Variants in RASGRF2 observed in about 807,000 individuals in gnomAD.
RASGRF2 encodes ras-specific guanine nucleotide-releasing factor 2.
In RASGRF2, 76 loss-of-function variants were observed where a neutral mutation model predicts 151.0. That is an observed-to-expected ratio of 0.50 (90% CI 0.42 to 0.61). The LOEUF (loss-of-function observed/expected upper bound fraction) is 0.61, where lower values mean the gene tolerates loss of function less well. Ranked by LOEUF, RASGRF2 falls within the 20% of genes least tolerant of loss-of-function variation. The pLI, the probability that RASGRF2 is intolerant of heterozygous loss-of-function variation, is 0.00. For synonymous variants in RASGRF2, 504 were observed against 566.5 expected, an observed-to-expected ratio of 0.89 and a Z score of 1.57; for missense variants, 1,148 against 1,564.6, an observed-to-expected ratio of 0.73 and a Z score of 4.49.
rs754199954 is a variant in RASGRF2 at position 81,112,865 on chromosome 5, C to G, written c.2087+7C>G. ...TCACCTCCATCCCTGTCAGGTACACCTATTGCTAGAGGTTAGCCTGTCATT... is the reference window on the plus strand; with the variant it reads ...TCACCTCCATCCCTGTCAGGTACACGTATTGCTAGAGGTTAGCCTGTCATT... On this transcript the variant is annotated splice_region_variant and intron_variant, in intron 14 of 26. Transcript: ENST00000265080. The G allele has an allele frequency of 1.2e-6, 2 of 1,614,004 alleles. No individual in the cohort carries two copies. The highest frequency in any genetic ancestry group is 4.5e-5 in the East Asian group (2 of 44,886).
intron 12 of RASGRF2, among the ~76,000 whole-genome samples, chr5:81,107,196 C>CA (rs35987554): frequency 0.23 from 21,299 of 94,138 alleles, 2,308 homozygotes; most frequent in Middle Eastern, 0.39. Context: ...CCTGTCTCTA[C>CA]AAAAAAAAAA....
chr5:81,195,906 A>G (rs1021418790), intron 18 of RASGRF2, among the ~76,000 whole-genome samples: 1 of 152,164 alleles, frequency 6.6e-6, no homozygotes, highest in Non-Finnish European at 1.5e-5. Context: ...ATGTGACGGG[A>G]GACCATGAGA....
chr5:81,161,626 G>A (rs1395602850), intron 17 of RASGRF2, among the ~76,000 whole-genome samples: 1 of 152,170 alleles, frequency 6.6e-6, no homozygotes, highest in Non-Finnish European at 1.5e-5. Context: ...CAGTCATAGA[G>A]TTTGTATAGT....
At chr5:81,001,511 T>G (rs1406383439) in intron 1 of RASGRF2, among the ~76,000 whole-genome samples, 2 of 152,190 alleles carry the variant, frequency 1.3e-5, no homozygotes, top group African/African-American at 4.8e-5. Context: ...CAGATCTTGT[T>G]ATTTTTCCCT....
chr5:81,159,378 G>A (rs112772677), intron 17 of RASGRF2, among the ~76,000 whole-genome samples: 4,602 of 152,324 alleles, frequency 0.03, 227 homozygotes, highest in African/African-American at 0.1. Flanking sequence ...CTGTAGCTGT[G>A]TTCCGGTAAA....
chr5:81,093,292 C>G (rs146483268), intron 10 of RASGRF2, among the ~76,000 whole-genome samples: 2 of 152,356 alleles, frequency 1.3e-5, no homozygotes, highest in African/African-American at 4.8e-5. Flanking sequence ...AAAATCTTCT[C>G]AAATCACTAC....
At chr5:81,104,436 A>T (rs181244110) in intron 12 of RASGRF2, among the ~76,000 whole-genome samples, 1 of 152,114 alleles carries the variant, frequency 6.6e-6, no homozygotes, top group Non-Finnish European at 1.5e-5. Context: ...TGAATAATTT[A>T]TTTAAAAAAT....
chr5:81,000,291 G>C (rs2112287142), intron 1 of RASGRF2, among the ~76,000 whole-genome samples: 1 of 152,320 alleles, frequency 6.6e-6, no homozygotes, highest in East Asian at 1.9e-4. Flanking sequence ...ACCTAGGCTG[G>C]AGTGCAATGG....
In RASGRF2 at chr5:81,157,384, T is replaced by A. The variant is rs558528965; in HGVS notation, c.2687-22791T>A. ...AAAAAAAAAAAAAGAATCAACTACT[T>A]AAAAATACATTTAACAAAAAAAGCT... On this transcript the variant is annotated intron_variant, in intron 17 of 26. Transcript: ENST00000265080. 2.8e-4 allele frequency among the ~76,000 whole-genome samples: 43 copies of A among 151,560 alleles called. 1 individual carries two copies. In the East Asian group the frequency reaches 7.8e-3, roughly 27 times the overall value.
rs927654186 is a variant in RASGRF2, at chr5:80,977,567, A to T, written c.288+16541A>T. On this transcript the variant is annotated intron_variant, in intron 1 of 26. Transcript: ENST00000265080. ...GACCTCCATCTCCTGGGTTCAAGCG[A>T]TTCTCCAGCCTCTAGAGTAGCTGGG... 1.8e-4 allele frequency among the ~76,000 whole-genome samples: 28 copies of T among 152,134 alleles called. 1 individual carries two copies. Among genetic ancestry groups the T allele is most frequent in the African/African-American group, 6.5e-4 (27 of 41,516 alleles).
At chr5:81,112,092 TATTA>T (rs1404969324) in intron 13 of RASGRF2, among the ~76,000 whole-genome samples, 1 of 152,180 alleles carries the variant, frequency 6.6e-6, no homozygotes, top group African/African-American at 2.4e-5. Flanking sequence ...CCTCCTCCAT[TATTA>T]ATTCTGGCTT....
chr5:81,027,413 T>C (rs1471537616), intron 1 of RASGRF2, among the ~76,000 whole-genome samples: 1 of 152,140 alleles, frequency 6.6e-6, no homozygotes, highest in Admixed American at 6.5e-5. Context: ...GTCTGTCAAT[T>C]AAAAAATAGT....
rs192754372 is a variant in RASGRF2 at position 81,167,553 on chromosome 5, C to T, written c.2687-12622C>T. Among the ~76,000 whole-genome samples the T allele has an allele frequency of 6.6e-5, 10 of 152,316 alleles. No homozygotes were observed. In the East Asian group the frequency reaches 1.5e-3, roughly 24 times the overall value. ...GGGTTTCACTGCACACATCAGTGTG[C>T]ACTCAGTGATAGTGGTGTTCTCCTC... On this transcript the variant is annotated intron_variant, in intron 17 of 26. Coordinates refer to ENST00000265080, the MANE Select transcript of RASGRF2 (RefSeq NM_006909.3).
intron 1 of RASGRF2, among the ~76,000 whole-genome samples, chr5:81,032,628 G>A (rs1750305041): frequency 6.6e-6 from 1 of 152,162 alleles, no homozygotes; most frequent in Admixed American, 6.5e-5. Context: ...AATAAACGAG[G>A]TATTGATGGG....
chr5:81,191,327 T>C (rs1191767387), intron 18 of RASGRF2, among the ~76,000 whole-genome samples: 1 of 152,132 alleles, frequency 6.6e-6, no homozygotes, highest in Non-Finnish European at 1.5e-5. Context: ...AGTCTCTCCT[T>C]GGGTGAATGT....
chr5:81,113,673 G>A lies in RASGRF2; in HGVS notation c.2223G>A (p.Arg741=). The A allele has an allele frequency of 1.2e-6, 2 of 1,613,480 alleles. No homozygotes were observed. The highest frequency in any genetic ancestry group is 1.7e-6 in the Non-Finnish European group (2 of 1,179,462). ...TGTCCAGAACATCTTCCCCAGTGAGGGCCAGAAAGCTGTCTTTGACTTCTC... is the reference window on the plus strand; with the variant it reads ...TGTCCAGAACATCTTCCCCAGTGAGAGCCAGAAAGCTGTCTTTGACTTCTC... ...LAVSRTSSPV[R]ARKLSLTSPL... is the part of the protein sequence containing the mutation. The change falls in exon 15 of 27, where the codon AGG becomes AGA. Residue 741 remains arginine, a synonymous_variant. Transcript: ENST00000265080.
intron 2 of RASGRF2, among the ~76,000 whole-genome samples, chr5:81,047,672 C>T (rs527307180): frequency 6.6e-6 from 1 of 152,374 alleles, no homozygotes; most frequent in East Asian, 1.9e-4. Flanking sequence ...TGGCAAGGGC[C>T]TGACCTAACC....
At chr5:81,067,400 A>G (rs140665538) in intron 2 of RASGRF2, among the ~76,000 whole-genome samples, 1 of 152,380 alleles carries the variant, frequency 6.6e-6, no homozygotes, top group African/African-American at 2.4e-5. Flanking sequence ...GACCAAAGAC[A>G]TAGATACAGG....
intron 23 of RASGRF2, among the ~76,000 whole-genome samples, chr5:81,215,302 G>A (rs978263643): frequency 9.1e-5 from 12 of 131,782 alleles, no homozygotes; most frequent in African/African-American, 2.3e-4. Flanking sequence ...ATGGAGTCTC[G>A]CTCTGTTGCC....
Sources: gnomAD v4.1 joint callset for allele counts (sites outside exome capture counted in the v4.1 genomes callset) on GRCh38, gnomAD v4.1.1 for gene constraint, MANE v1.5 for transcripts, NCBI Gene and HGNC (gene_info 2026-07-23, HGNC 2026-07-21) for gene names.